TUT4: variants seen among roughly 807,000 people sequenced by gnomAD.
TUT4 encodes the protein terminal uridylyl transferase 4.
TUT4 carries 36 observed loss-of-function variants against 192.2 expected under a neutral mutation model. The ratio of observed to expected loss-of-function variants is 0.19; its 90% confidence interval spans 0.14 to 0.25. The LOEUF is 0.25. Ranked by LOEUF, TUT4 falls within the 10% of genes least tolerant of loss-of-function variation. TUT4 has a pLI of 1.00. For synonymous variants in TUT4, 618 were observed against 666.0 expected (o/e 0.93, Z 1.11); for missense variants, 1,493 against 1,957.2 (o/e 0.76, Z 4.47).
At chr1:52,546,126 C>T (rs1221594180) in intron 1 of TUT4, among the ~76,000 whole-genome samples, 1 of 151,894 alleles carries the variant, frequency 6.6e-6, no homozygotes, top group Non-Finnish European at 1.5e-5. Context: ...GAGACAGAGC[C>T]AGATCTTGTC....
intron 26 of TUT4, 29 bp downstream of exon 26, chr1:52,436,726 A>G (rs897970567): frequency 5.0e-6 from 8 of 1,611,052 alleles, no homozygotes; most frequent in African/African-American, 2.7e-5. Context: ...CGTTTCTACC[A>G]GAAACTATGT....
intron 12 of TUT4, 103 bp from the exon 13 acceptor site, chr1:52,475,638 T>C (rs984147415): frequency 3.6e-6 from 4 of 1,121,922 alleles, no homozygotes; most frequent in Non-Finnish European, 4.9e-6. Flanking sequence ...GGAGAATACA[T>C]TTTCCCAAGG....
At position 52,490,719 on chromosome 1, in the gene TUT4, C is replaced by T; in HGVS notation, c.1388+13G>A. 1.9e-6 allele frequency: 3 copies of T among 1,596,652 alleles called. No individual in the cohort carries two copies. Among genetic ancestry groups the T allele is most frequent in the Non-Finnish European group, 2.6e-6 (3 of 1,173,944 alleles). On this transcript the variant is annotated intron_variant, in intron 8 of 29. Coordinates refer to ENST00000257177, the MANE Select transcript of TUT4 (RefSeq NM_001009881.3). ...TTTGTTTTTTTAAATATTTTATCTT[C>T]ATTGTTACCAACCTTTTTCGATCTC...
intron 13 of TUT4, among the ~76,000 whole-genome samples, chr1:52,472,461 A>G (rs950160279): frequency 5.3e-5 from 8 of 151,976 alleles, no homozygotes; most frequent in African/African-American, 1.9e-4. Context: ...TTATAAAGAA[A>G]TTTTAAGGTG....
At chr1:52,462,959 G>A in intron 16 of TUT4, 1 of 985,362 alleles carries the variant, frequency 1.0e-6, no homozygotes, top group Non-Finnish European at 1.2e-6. Context: ...CATGAGAGCA[G>A]GAGCCATTGC....
At chr1:52,478,211 G>A (rs140525058) in intron 11 of TUT4, among the ~76,000 whole-genome samples, 1 of 152,238 alleles carries the variant, frequency 6.6e-6, no homozygotes, top group East Asian at 1.9e-4. Flanking sequence ...AACTGACTAG[G>A]CTATCAGCCT....
chr1:52,469,575 G>A (rs1038901783), intron 14 of TUT4, among the ~76,000 whole-genome samples: 1 of 152,102 alleles, frequency 6.6e-6, no homozygotes, highest in African/African-American at 2.4e-5. Context: ...ATGAAATCAT[G>A]TTTGGTTTAA....
chr1:52,446,232 T>C (rs1029482627), intron 22 of TUT4, 33 bp downstream of exon 22: 8 of 1,573,934 alleles, frequency 5.1e-6, no homozygotes, highest in Non-Finnish European at 6.0e-6. Context: ...CAAATTTTGG[T>C]TGCTCCTGAA....
chr1:52,429,789 T>C (rs1651431537), intron 28 of TUT4, among the ~76,000 whole-genome samples: 1 of 151,914 alleles, frequency 6.6e-6, no homozygotes, highest in African/African-American at 2.4e-5. Flanking sequence ...GACAAGAGTT[T>C]TGCCATGCTG....
chr1:52,495,432 G>A lies in TUT4; in HGVS notation c.1261C>T (p.Pro421Ser), dbSNP rs765663915. The A allele has an allele frequency of 5.0e-6, 8 of 1,596,320 alleles. No individual in the cohort carries two copies. The highest frequency in any genetic ancestry group is 6.9e-6 in the Non-Finnish European group (8 of 1,167,690). Residue 421 changes from proline (P) to serine (S), a missense_variant, in exon 6 of 30, where the codon CCC becomes TCC. Pro to Ser is a moderately conservative substitution (Grantham distance 74). Around this residue, in one of 7 missense-constraint regions of TUT4, gnomAD observed 437 missense variants for 577.6 expected, o/e 0.76. Coordinates refer to ENST00000257177, the MANE Select transcript of TUT4 (RefSeq NM_001009881.3). ...GAAAGATTCTAATTACTTACCTTGG[G>A]AGGAAATTTTATATCTATATTAACA... is the stretch of plus-strand genomic sequence containing the variant. ...SDVNIDIKFPPKMNHPDLLIK... is the reference protein window; with the variant it reads ...SDVNIDIKFPSKMNHPDLLIK...
intron 24 of TUT4, among the ~76,000 whole-genome samples, chr1:52,441,335 G>T (rs1410871545): frequency 6.7e-6 from 1 of 149,352 alleles, no homozygotes; most frequent in Non-Finnish European, 1.5e-5. Context: ...CCAGGCTGGA[G>T]TGCAGTGCTG....
intron 27 of TUT4, chr1:52,431,663 C>T (rs1652109236): frequency 5.3e-6 from 2 of 376,388 alleles, no homozygotes; most frequent in South Asian, 1.4e-4. Flanking sequence ...TCCAAAGAAA[C>T]GAGAGCCCAG....
intron 13 of TUT4, 70 bp downstream of exon 13, chr1:52,474,762 A>G (rs1433032059): frequency 1.5e-6 from 2 of 1,304,800 alleles, no homozygotes; most frequent in African/African-American, 3.0e-5. Flanking sequence ...TTACATTTCT[A>G]ATCTAAAAAA....
At chr1:52,536,621 G>A (rs373551252) in intron 1 of TUT4, among the ~76,000 whole-genome samples, 2 of 152,146 alleles carry the variant, frequency 1.3e-5, no homozygotes, top group African/African-American at 4.8e-5. Flanking sequence ...GGGAGGCCGA[G>A]GTAGGTGGAT....
At chr1:52,448,704 A>G (rs1303656927) in intron 20 of TUT4, among the ~76,000 whole-genome samples, 3 of 152,134 alleles carry the variant, frequency 2.0e-5, no homozygotes, top group Non-Finnish European at 4.4e-5. Context: ...CTGACATGTA[A>G]TATTTTATCC....
chr1:52,466,451 T>C (rs555219693), intron 15 of TUT4, among the ~76,000 whole-genome samples: 6 of 151,522 alleles, frequency 4.0e-5, no homozygotes, highest in Admixed American at 3.9e-4. Flanking sequence ...GAGACCTGCT[T>C]GGAAAACATG....
At chr1:52,526,974 A>C (rs985972118) in intron 1 of TUT4, among the ~76,000 whole-genome samples, 1 of 152,186 alleles carries the variant, frequency 6.6e-6, no homozygotes, top group African/African-American at 2.4e-5. Flanking sequence ...CAGTGAGCCA[A>C]GATCATGCCA....
At chr1:52,530,189 T>C (rs952207422) in intron 1 of TUT4, among the ~76,000 whole-genome samples, 1 of 142,854 alleles carries the variant, frequency 7.0e-6, no homozygotes, top group African/African-American at 2.6e-5. Context: ...AAATTACTAA[T>C]AGGAGGTTGC....
intron 1 of TUT4, among the ~76,000 whole-genome samples, chr1:52,541,252 G>A (rs1360266327): frequency 6.7e-6 from 1 of 148,984 alleles, no homozygotes; most frequent in African/African-American, 2.5e-5. Context: ...TCTACATCAG[G>A]CTGGGCACGG....
Sources: allele counts gnomAD v4.1 joint callset (sites outside exome capture counted in the v4.1 genomes callset), GRCh38; gene constraint gnomAD v4.1.1; regional missense constraint gnomAD v4.1.1; transcripts MANE v1.5; gene names NCBI Gene and HGNC (gene_info 2026-07-23, HGNC 2026-07-21).